The following CENPL variants were observed in gnomAD, a reference collection of about 807,000 sequenced individuals.
CENPL encodes interphase centromere complex protein 33.
In CENPL, 20 loss-of-function variants were observed where a neutral mutation model predicts 35.2. The observed-to-expected ratio is 0.57, with a 90% CI of 0.40 to 0.83. The LOEUF (loss-of-function observed/expected upper bound fraction) is 0.83, where lower values mean the gene tolerates loss of function less well. Ranked by LOEUF, CENPL falls within the 40% of genes least tolerant of loss-of-function variation. The pLI is 0.00. For missense variants in CENPL, 363 were observed against 395.8 expected, an observed-to-expected ratio of 0.92 and a Z score of 0.70; for synonymous variants, 140 against 140.6, an observed-to-expected ratio of 1.00 and a Z score of 0.03.
At chr1:173,813,590 A>C (rs555275455) in intron 2 of CENPL, among the ~76,000 whole-genome samples, 51 of 152,360 alleles carry the variant, frequency 3.3e-4, no homozygotes, top group African/African-American at 1.1e-3. Context: ...TCATAAGTGA[A>C]GGAGAAATAA....
chr1:173,802,974 C>T lies in CENPL; in HGVS notation c.952G>A (p.Gly318Arg). Reference protein sequence around the residue: ...STSVASAHTDGKIKILCHKYL... With the variant: ...STSVASAHTDRKIKILCHKYL... ...TTGTTCAAACTAACCTTTATTTTTCCATCAGTATGTGCTGAAGCTACAGAT... is the reference window on the plus strand; with the variant it reads ...TTGTTCAAACTAACCTTTATTTTTCTATCAGTATGTGCTGAAGCTACAGAT... Residue 318 changes from glycine to arginine, a missense_variant, in exon 5 of 6, where the codon GGA becomes AGA. By Grantham distance (125) the Gly-to-Arg change is moderately radical. Transcript: ENST00000682279. 6.3e-7 allele frequency: 1 copy of T among 1,592,142 alleles called. No homozygotes were observed. The highest frequency in any genetic ancestry group is 8.6e-7 in the Non-Finnish European group (1 of 1,168,314).
At chr1:173,820,887 G>C (rs1244289048) in intron 2 of CENPL, among the ~76,000 whole-genome samples, 2 of 152,294 alleles carry the variant, frequency 1.3e-5, no homozygotes, top group South Asian at 2.1e-4. Flanking sequence ...CAGGGAAAGG[G>C]AAGAGGGTGG....
rs972952504 is a variant in CENPL at position 173,824,773 on chromosome 1, C to T, written c.-663G>A. On this transcript the variant is annotated 5_prime_UTR_variant, in exon 1 of 6. Coordinates refer to ENST00000682279, the MANE Select transcript of CENPL (RefSeq NM_001387287.1). ...CTCTTTCAGAAGACTCGAAATCGGC[C>T]AGCAGGTCTGCGAGATTTGAAACGC... is the stretch of plus-strand genomic sequence containing the variant. The T allele has an allele frequency of 1.1e-5, 2 of 184,718 alleles. No individual in the cohort carries two copies. Among genetic ancestry groups the T allele is most frequent in the African/African-American group, 4.7e-5 (2 of 42,228 alleles). The allele number at this position is 184,718 out of a possible 1,614,324, so 11.4% of individuals were successfully genotyped here.
intron 4 of CENPL, among the ~76,000 whole-genome samples, chr1:173,804,860 C>G (rs767535548): frequency 1.3e-5 from 2 of 152,132 alleles, no homozygotes; most frequent in Admixed American, 6.6e-5. Flanking sequence ...ATTAAGCAGA[C>G]CAAGGTTAAT....
At chr1:173,810,312 A>T (rs774521568) in intron 3 of CENPL, among the ~76,000 whole-genome samples, 1 of 152,214 alleles carries the variant, frequency 6.6e-6, no homozygotes, top group Non-Finnish European at 1.5e-5. Flanking sequence ...CTAAATGATG[A>T]GAACACATGG....
At position 173,803,102 on chromosome 1, in the gene CENPL, ACCT is replaced by A; in HGVS notation, c.821_823del (p.Glu274del). On this transcript the variant is annotated inframe_deletion, in exon 5 of 6. Coordinates refer to ENST00000682279, the MANE Select transcript of CENPL (RefSeq NM_001387287.1). ...GAATAGGTCAACTTCTTCCTGGGTA[ACCT>A]CCCCAGGTGTTTTGTGGACACTGTC... 6.2e-7 allele frequency: 1 copy of A among 1,613,852 alleles called. No individual in the cohort carries two copies. The highest frequency in any genetic ancestry group is 8.5e-7 in the Non-Finnish European group (1 of 1,179,764).
chr1:173,822,461 T>TA (rs974522713), intron 2 of CENPL: 13 of 152,168 alleles, frequency 8.5e-5, no homozygotes, highest in African/African-American at 3.1e-4. Context: ...AATCATTCTA[T>TA]ATGACTCCTA....
intron 5 of CENPL, among the ~76,000 whole-genome samples, chr1:173,802,591 C>T (rs960374155): frequency 1.3e-5 from 2 of 152,096 alleles, no homozygotes; most frequent in East Asian, 3.8e-4. Context: ...GACAGAAAAG[C>T]CTGGAACATA....
chr1:173,800,615 A>T (rs776943312), intron 5 of CENPL, 96 bp from the exon 6 acceptor site: 16 of 582,212 alleles, frequency 2.7e-5, no homozygotes, highest in Middle Eastern at 4.7e-4. Flanking sequence ...ATATTGGTTT[A>T]ACTTCTAGAT....
intron 3 of CENPL, 97 bp from the exon 4 acceptor site, chr1:173,807,615 A>C (rs1650355441): frequency 9.7e-7 from 1 of 1,033,740 alleles, no homozygotes; most frequent in Non-Finnish European, 1.4e-6. Flanking sequence ...TATATTATTG[A>C]GTACCTGATT....
chr1:173,802,330 C>A (rs916306704), intron 5 of CENPL, among the ~76,000 whole-genome samples: 3 of 152,050 alleles, frequency 2.0e-5, no homozygotes, highest in Middle Eastern at 3.2e-3. Flanking sequence ...CTCAGCCTCC[C>A]CCAGTAGCTG....
At chr1:173,820,687 GATAA>G (rs1651860221) in intron 2 of CENPL, among the ~76,000 whole-genome samples, 2 of 152,146 alleles carry the variant, frequency 1.3e-5, no homozygotes, top group Admixed American at 6.6e-5. Flanking sequence ...GTGGGTGAAT[GATAA>G]ATAAACTGTG....
rs1330308510 is a variant in CENPL, at chr1:173,811,299, TG to T, written c.-1del. On this transcript the variant is annotated 5_prime_UTR_variant, in exon 3 of 6. Transcript: ENST00000682279. ...GACTCTGGTGCACTGTAAGAATCCA[TG>T]GTCTGTCTGCATAAGAAGAAACAAA... 6.3e-7 allele frequency: 1 copy of T among 1,593,808 alleles called. No homozygotes were observed. The highest frequency in any genetic ancestry group is 1.1e-5 in the South Asian group (1 of 89,216).
At chr1:173,814,348 A>G (rs538629149) in intron 2 of CENPL, among the ~76,000 whole-genome samples, 13 of 152,256 alleles carry the variant, frequency 8.5e-5, no homozygotes, top group Admixed American at 6.5e-5. Context: ...AGACATCTAC[A>G]TAACTCTCCA....
At position 173,812,886 on chromosome 1, in the gene CENPL, G is replaced by A. The variant is rs549814857; in HGVS notation, c.-7-1580C>T. On this transcript the variant is annotated intron_variant, in intron 2 of 5. Transcript: ENST00000682279. The stretch of plus-strand genomic sequence containing the variant: ...AATAACAAACTTCTCAGAGCTAAAG[G>A]AGCATGTTGTAACCCATCGCAAGGA... Among the ~76,000 whole-genome samples the A allele has an allele frequency of 2.6e-5, 4 of 152,264 alleles. No homozygotes were observed. The South Asian group carries it at 8.3e-4, about 32-fold the overall frequency.
chr1:173,800,784 CA>C (rs1164088696), intron 5 of CENPL, among the ~76,000 whole-genome samples: 1 of 151,486 alleles, frequency 6.6e-6, no homozygotes, highest in African/African-American at 2.4e-5. Context: ...CTCATCTCTA[CA>C]AAAAAATTTT....
At chr1:173,822,480 T>C (rs918825482) in intron 2 of CENPL, 1 of 152,180 alleles carries the variant, frequency 6.6e-6, no homozygotes, top group Non-Finnish European at 1.5e-5. Flanking sequence ...TAAATCTCTG[T>C]CTTCAGACCA....
chr1:173,804,531 A>G (rs545162903), intron 4 of CENPL, among the ~76,000 whole-genome samples: 1 of 152,340 alleles, frequency 6.6e-6, no homozygotes, highest in East Asian at 1.9e-4. Flanking sequence ...TGCAAGACTA[A>G]CCACCACCTT....
At chr1:173,813,351 G>C (rs1651028113) in intron 2 of CENPL, among the ~76,000 whole-genome samples, 1 of 152,106 alleles carries the variant, frequency 6.6e-6, no homozygotes, top group Non-Finnish European at 1.5e-5. Flanking sequence ...CTCAAGAAGA[G>C]CAACCCCAAG....
Sources: gnomAD v4.1 joint callset for allele counts (sites outside exome capture counted in the v4.1 genomes callset) on GRCh38, gnomAD v4.1.1 for gene constraint, MANE v1.5 for transcripts, NCBI Gene and HGNC (gene_info 2026-07-23, HGNC 2026-07-21) for gene names.